Variants in PCDHA9 observed in about 807,000 individuals in gnomAD.
The protein encoded by PCDHA9 is protocadherin alpha 9.
Under a neutral mutation model 62.0 loss-of-function variants are expected in PCDHA9, and 62 were observed. The ratio of observed to expected loss-of-function variants is 1.00; its 90% CI spans 0.81 to 1.23. PCDHA9 has a LOEUF of 1.23. PCDHA9 is among the 50% of genes most tolerant of loss of function. The pLI, the probability that PCDHA9 is intolerant of heterozygous loss-of-function variation, is 0.00. For missense variants in PCDHA9, 1,205 were observed against 1,249.8 expected (o/e 0.96, Z 0.54); for synonymous variants, 557 against 567.6 (o/e 0.98, Z 0.27).
chr5:140,952,301 T>G (rs246036), intron 1 of PCDHA9, among the ~76,000 whole-genome samples: 84,430 of 149,404 alleles, frequency 0.57, 24,448 homozygotes, highest in African/African-American at 0.7. Flanking sequence ...CACAGCCATT[T>G]CACTCCAGCC....
At chr5:140,969,436 A>G (rs1289383219) in intron 1 of PCDHA9, 2 of 1,549,954 alleles carry the variant, frequency 1.3e-6, no homozygotes, top group Non-Finnish European at 1.7e-6. Flanking sequence ...GACAAGAGTT[A>G]TCTGGTAAAC....
chr5:141,003,685 A>G (rs782131958), intron 3 of PCDHA9, among the ~76,000 whole-genome samples: 12 of 152,198 alleles, frequency 7.9e-5, no homozygotes, highest in Non-Finnish European at 1.2e-4. Flanking sequence ...TCTGATTTTA[A>G]AATATATCCC....
At chr5:140,880,415 G>T (rs1481227492) in intron 1 of PCDHA9, among the ~76,000 whole-genome samples, 1 of 152,202 alleles carries the variant, frequency 6.6e-6, no homozygotes, top group Non-Finnish European at 1.5e-5. Context: ...GACCTTAAAA[G>T]CGGGAACAGT....
At chr5:140,968,346 C>A in intron 1 of PCDHA9, 2 of 1,614,090 alleles carry the variant, frequency 1.2e-6, no homozygotes, top group Non-Finnish European at 1.7e-6. Context: ...ATTAACAGTG[C>A]CAGTGGCAGC....
intron 3 of PCDHA9, 171 bp from the exon 4 acceptor site, chr5:141,009,456 C>CAAAT: frequency 3.2e-6 from 3 of 947,762 alleles, no homozygotes; most frequent in Non-Finnish European, 2.5e-6. Flanking sequence ...AAAAATTAAA[C>CAAAT]AAATAAATAA....
chr5:140,957,852 A>AT (rs5871756), intron 1 of PCDHA9, among the ~76,000 whole-genome samples: 44,688 of 151,688 alleles, frequency 0.29, 7,154 homozygotes, highest in East Asian at 0.53. Context: ...GAGTTTGTGT[A>AT]TTTTTTTTCC....
rs2150503852 is a variant in PCDHA9 at position 140,850,955 on chromosome 5, C to T, written c.2394+66C>T. The T allele has an allele frequency of 1.6e-5, 23 of 1,482,450 alleles. 2 individuals are homozygous for T. In the Admixed American group the frequency reaches 2.7e-4, roughly 17 times the overall value. 91.8% of individuals were successfully genotyped at this position (1,482,450 alleles called of 1,614,324 possible). A position where few individuals can be genotyped will look rare whatever the true frequency, so the allele number is the denominator to read the frequency against. On this transcript the variant is annotated intron_variant, in intron 1 of 3. Transcript: ENST00000532602. Reference sequence around the variant, plus strand: ...TTCTTGAAAGATATTATCGATTACTCCCAGGGGCCGTTCAAATAGTTTTAT... The same window carrying T: ...TTCTTGAAAGATATTATCGATTACTTCCAGGGGCCGTTCAAATAGTTTTAT...
chr5:140,967,943 G>T, intron 1 of PCDHA9: 1 of 1,614,190 alleles, frequency 6.2e-7, no homozygotes. Flanking sequence ...CAATGACCAA[G>T]ACTCAGGCCC....
chr5:140,853,637 C>T lies in PCDHA9; in HGVS notation c.2394+2748C>T, dbSNP rs1261449474. 3.6e-5 allele frequency: 36 copies of T among 988,398 alleles called. 4 individuals carry two copies. The highest frequency in any genetic ancestry group is 4.4e-5 in the Non-Finnish European group (36 of 820,538). 61.2% of individuals were successfully genotyped at this position (988,398 alleles called of 1,614,324 possible). On this transcript the variant is annotated intron_variant, in intron 1 of 3. Coordinates refer to ENST00000532602, the MANE Select transcript of PCDHA9 (RefSeq NM_031857.2). ...TAAATAAGTATACAAGATCACAGAC[C>T]TAAATTGAGCCTGTTCCAGACAAAT... is the stretch of plus-strand genomic sequence containing the variant.
intron 1 of PCDHA9, among the ~76,000 whole-genome samples, chr5:140,949,517 C>T (rs2094387959): frequency 6.6e-6 from 1 of 151,706 alleles, no homozygotes; most frequent in African/African-American, 2.4e-5. Context: ...TTTATTGATC[C>T]TTTTATCTTC....
intron 1 of PCDHA9, among the ~76,000 whole-genome samples, chr5:140,894,553 T>G (rs2064537673): frequency 6.6e-6 from 1 of 152,008 alleles, no homozygotes; most frequent in South Asian, 2.1e-4. Flanking sequence ...TGTTTACTTC[T>G]GAAAAAATTA....
chr5:140,912,241 T>C (rs939016891), intron 1 of PCDHA9, among the ~76,000 whole-genome samples: 1 of 152,164 alleles, frequency 6.6e-6, no homozygotes, highest in African/African-American at 2.4e-5. Flanking sequence ...GACTCAAATG[T>C]TAATCTCCTT....
chr5:140,853,149 G>C, intron 1 of PCDHA9: 1 of 844,586 alleles, frequency 1.2e-6, no homozygotes, highest in Non-Finnish European at 1.5e-6. Flanking sequence ...AAAATGCTGG[G>C]ATTACAGGCG....
At chr5:140,883,219 A>G (rs1416740017) in intron 1 of PCDHA9, 1 of 1,613,942 alleles carries the variant, frequency 6.2e-7, no homozygotes, top group Non-Finnish European at 8.5e-7. Flanking sequence ...AATTATATGA[A>G]ATATCCGTGG....
intron 1 of PCDHA9, among the ~76,000 whole-genome samples, chr5:140,885,485 TTC>T (rs1412041657): frequency 1.3e-5 from 2 of 152,188 alleles, no homozygotes; most frequent in Admixed American, 6.5e-5. Context: ...GTGTCAAGTG[TTC>T]TGTTATCTTC....
chr5:140,939,811 A>G (rs1554212933), intron 1 of PCDHA9, among the ~76,000 whole-genome samples: 1 of 152,224 alleles, frequency 6.6e-6, no homozygotes, highest in African/African-American at 2.4e-5. Context: ...CATGTTCAAG[A>G]AAAAGCAGTA....
rs782310474 is a variant in PCDHA9 at position 140,858,120 on chromosome 5, T to C, written c.2394+7231T>C. 9 of 1,597,738 alleles carry C rather than the reference T, an allele frequency of 5.6e-6. 1 individual carries two copies. In the Admixed American group the frequency reaches 1.5e-4, roughly 27 times the overall value. ...GTGGGCGTGGCGCCCGAGGTGGCCC[T>C]GGTGGATGTCAACGTGTACCTGATC... On this transcript the variant is annotated intron_variant, in intron 1 of 3. Coordinates refer to ENST00000532602, the MANE Select transcript of PCDHA9 (RefSeq NM_031857.2).
chr5:141,002,128 C>T (rs1426506599), intron 3 of PCDHA9, among the ~76,000 whole-genome samples: 1 of 152,244 alleles, frequency 6.6e-6, no homozygotes, highest in African/African-American at 2.4e-5. Context: ...ATTTAATAGC[C>T]TTTGCCGGCT....
intron 3 of PCDHA9, among the ~76,000 whole-genome samples, chr5:141,008,882 A>G (rs2098393885): frequency 6.6e-6 from 1 of 152,170 alleles, no homozygotes; most frequent in Non-Finnish European, 1.5e-5. Flanking sequence ...ACCACCCTTC[A>G]ATGTTATTAC....
Sources: allele counts gnomAD v4.1 joint callset (sites outside exome capture counted in the v4.1 genomes callset), GRCh38; gene constraint gnomAD v4.1.1; transcripts MANE v1.5; gene names NCBI Gene and HGNC (gene_info 2026-07-23, HGNC 2026-07-21).